Variants in LEKR1 observed in about 807,000 individuals in gnomAD.
LEKR1 encodes the protein leucine, glutamate and lysine rich 1, also known as protein LEKR1.
A neutral mutation model predicts 72.4 loss-of-function variants in LEKR1; 59 were observed. That is an observed-to-expected ratio of 0.82 (90% confidence interval 0.66 to 1.01). The LOEUF (loss-of-function observed/expected upper bound fraction) is 1.01, where lower values mean the gene tolerates loss of function less well. LEKR1 is among the 50% of genes least tolerant of loss of function. The pLI is 0.00. For missense variants in LEKR1, 728 were observed against 759.2 expected (o/e 0.96, Z 0.48); for synonymous variants, 257 against 263.2 (o/e 0.98, Z 0.23).
At chr3:156,952,935 C>T (rs1727296386) in intron 6 of LEKR1, among the ~76,000 whole-genome samples, 3 of 151,386 alleles carry the variant, frequency 2.0e-5, no homozygotes, top group South Asian at 4.2e-4. Flanking sequence ...TAGAGAGCTC[C>T]AAACTATATT....
intron 3 of LEKR1, among the ~76,000 whole-genome samples, chr3:156,888,986 A>G (rs1720385387): frequency 6.6e-6 from 1 of 152,202 alleles, no homozygotes; most frequent in African/African-American, 2.4e-5. Context: ...AGATTTCTTT[A>G]TTAATAATCT....
At chr3:156,940,399 G>A (rs1726096241) in intron 5 of LEKR1, among the ~76,000 whole-genome samples, 1 of 152,116 alleles carries the variant, frequency 6.6e-6, no homozygotes, top group Admixed American at 6.6e-5. Context: ...GAATATATGA[G>A]GATAGGAGGA....
chr3:157,025,655 G>A (rs1028191876), intron 11 of LEKR1, among the ~76,000 whole-genome samples: 2 of 152,220 alleles, frequency 1.3e-5, no homozygotes. Flanking sequence ...TGTACAACCA[G>A]TGCAATAGCA....
At chr3:157,038,704 T>C (rs1735136843) in intron 12 of LEKR1, among the ~76,000 whole-genome samples, 1 of 152,190 alleles carries the variant, frequency 6.6e-6, no homozygotes, top group Non-Finnish European at 1.5e-5. Context: ...ACATGCAATA[T>C]AGACAGGCCC....
chr3:156,852,869 G>A lies in LEKR1; in HGVS notation c.150G>A (p.Glu50=). The change falls in exon 3 of 13, where the codon GAG becomes GAA. Residue 50 remains glutamate (E), a synonymous_variant. Coordinates refer to ENST00000356539, the MANE Select transcript of LEKR1 (RefSeq NM_001004316.3). ...MEEKVKAMEK[E]MKFYQGSVDR... Reference sequence around the variant, plus strand: ...AAAAAGTGAAAGCAATGGAAAAAGAGATGAAATTTTATCAAGGAAGTGTAG... The same window carrying A: ...AAAAAGTGAAAGCAATGGAAAAAGAAATGAAATTTTATCAAGGAAGTGTAG... 2 of 1,534,638 alleles carry A rather than the reference G, an allele frequency of 1.3e-6. No homozygotes were observed. Among genetic ancestry groups the A allele is most frequent in the Non-Finnish European group, 8.7e-7 (1 of 1,144,964 alleles).
intron 10 of LEKR1, among the ~76,000 whole-genome samples, chr3:157,018,341 T>G (rs979218288): frequency 6.6e-6 from 1 of 152,190 alleles, no homozygotes; most frequent in Non-Finnish European, 1.5e-5. Context: ...TAAATTATAT[T>G]TATAGAATTC....
chr3:156,880,619 A>C (rs1433897171), intron 3 of LEKR1, among the ~76,000 whole-genome samples: 1 of 152,220 alleles, frequency 6.6e-6, no homozygotes, highest in Non-Finnish European at 1.5e-5. Context: ...CAATCAATAG[A>C]AAAAGAGGGA....
At chr3:156,838,163 C>T (rs992810821) in intron 2 of LEKR1, among the ~76,000 whole-genome samples, 1 of 152,130 alleles carries the variant, frequency 6.6e-6, no homozygotes, top group African/African-American at 2.4e-5. Flanking sequence ...GTTCTCCAAC[C>T]AGGAGTTTCA....
chr3:156,938,700 GT>G (rs917797848), intron 5 of LEKR1, among the ~76,000 whole-genome samples: 107 of 152,138 alleles, frequency 7.0e-4, no homozygotes, highest in African/African-American at 2.5e-3. Flanking sequence ...AAATTGTGTA[GT>G]TTTTTTTATT....
At chr3:156,881,550 A>G (rs1478134393) in intron 3 of LEKR1, among the ~76,000 whole-genome samples, 1 of 151,422 alleles carries the variant, frequency 6.6e-6, no homozygotes, top group Non-Finnish European at 1.5e-5. Context: ...AGGAAGAATC[A>G]ATATCATGAA....
At position 156,850,478 on chromosome 3, in the gene LEKR1, G is replaced by T. The variant is rs541712898; in HGVS notation, c.49-2290G>T. ...CTGAAGTGAGGAACTGGAAGAGTTT[G>T]GGGTATAAGACAGTGGCTGGTTCCT... is the stretch of plus-strand genomic sequence containing the variant. On this transcript the variant is annotated intron_variant, in intron 2 of 12. Coordinates refer to ENST00000356539, the MANE Select transcript of LEKR1 (RefSeq NM_001004316.3). Among the ~76,000 whole-genome samples the T allele has an allele frequency of 2.0e-5, 3 of 152,238 alleles. No individual in the cohort carries two copies. In the South Asian group the frequency reaches 6.2e-4, roughly 32 times the overall value.
At chr3:156,835,140 A>G (rs1370947462) in intron 2 of LEKR1, among the ~76,000 whole-genome samples, 3 of 152,182 alleles carry the variant, frequency 2.0e-5, no homozygotes, top group African/African-American at 7.2e-5. Context: ...TGCCCTAAAC[A>G]ATTGTCAGCT....
chr3:156,877,651 A>G (rs1228978565), intron 3 of LEKR1, among the ~76,000 whole-genome samples: 1 of 151,988 alleles, frequency 6.6e-6, no homozygotes, highest in African/African-American at 2.4e-5. Flanking sequence ...TTTCAGTTGT[A>G]TTGGTTGTAA....
intron 12 of LEKR1, among the ~76,000 whole-genome samples, chr3:157,041,590 T>A (rs1735346073): frequency 6.6e-6 from 1 of 152,166 alleles, no homozygotes; most frequent in African/African-American, 2.4e-5. Flanking sequence ...TCCCAAGGTG[T>A]GCCTCTCCTT....
intron 7 of LEKR1, among the ~76,000 whole-genome samples, chr3:156,985,237 G>A (rs549872689): frequency 6.6e-6 from 1 of 152,138 alleles, no homozygotes; most frequent in Non-Finnish European, 1.5e-5. Context: ...TATAAAATAG[G>A]CATAATAGAA....
chr3:156,947,059 G>T (rs1726748997), intron 6 of LEKR1, among the ~76,000 whole-genome samples: 1 of 150,542 alleles, frequency 6.6e-6, no homozygotes, highest in Non-Finnish European at 1.5e-5. Context: ...TATCTTTTCA[G>T]GAGACCAACT....
chr3:156,974,630 T>C (rs1729530472), intron 6 of LEKR1, among the ~76,000 whole-genome samples: 1 of 152,140 alleles, frequency 6.6e-6, no homozygotes, highest in Non-Finnish European at 1.5e-5. Flanking sequence ...TTTTCTTTTG[T>C]ACCTTGGGCA....
chr3:157,013,579 A>G (rs531554780), intron 10 of LEKR1, among the ~76,000 whole-genome samples: 1 of 152,268 alleles, frequency 6.6e-6, no homozygotes, highest in African/African-American at 2.4e-5. Context: ...TATTTTCTAT[A>G]GTATAAATGG....
At chr3:157,006,113 C>T (rs963685853) in intron 9 of LEKR1, among the ~76,000 whole-genome samples, 2 of 151,688 alleles carry the variant, frequency 1.3e-5, no homozygotes, top group African/African-American at 4.9e-5. Flanking sequence ...TCACGCCATT[C>T]TCCTGCCTCA....
Sources: allele counts gnomAD v4.1 joint callset (sites outside exome capture counted in the v4.1 genomes callset), GRCh38; gene constraint gnomAD v4.1.1; transcripts MANE v1.5; gene names NCBI Gene and HGNC (gene_info 2026-07-23, HGNC 2026-07-21).